The following ATPSCKMT variants were observed in gnomAD, a reference collection of about 807,000 sequenced individuals.
ATPSCKMT encodes the protein ATP synthase subunit C lysine N-methyltransferase.
In ATPSCKMT, 24 loss-of-function variants were observed where a neutral mutation model predicts 24.3. The ratio of observed to expected loss-of-function variants is 0.99; its 90% CI spans 0.71 to 1.39. The LOEUF (loss-of-function observed/expected upper bound fraction) is 1.39. Among genes scored for constraint, ATPSCKMT ranks in the 40% most tolerant of loss-of-function variants. The pLI is 0.00. For synonymous variants in ATPSCKMT, 95 were observed against 110.5 expected (o/e 0.86, Z 0.88); for missense variants, 311 against 298.4 (o/e 1.04, Z -0.31).
At chr5:10,240,766 C>T (rs947038686) in intron 1 of ATPSCKMT, among the ~76,000 whole-genome samples, 3 of 152,082 alleles carry the variant, frequency 2.0e-5, no homozygotes, top group Admixed American at 6.5e-5. Context: ...GAGGCCACGG[C>T]GGGCAGATCA....
At chr5:10,249,114 C>T (rs1196711183) in intron 1 of ATPSCKMT, among the ~76,000 whole-genome samples, 2 of 152,100 alleles carry the variant, frequency 1.3e-5, no homozygotes, top group African/African-American at 2.4e-5. Context: ...ACTAAAAATA[C>T]AAAAATTAGC....
chr5:10,229,138 T>C (rs1182635295), intron 4 of ATPSCKMT, among the ~76,000 whole-genome samples: 1 of 152,224 alleles, frequency 6.6e-6, no homozygotes, highest in Non-Finnish European at 1.5e-5. Context: ...TCCAATATAA[T>C]AATTCCAAAT....
intron 4 of ATPSCKMT, among the ~76,000 whole-genome samples, chr5:10,230,335 T>C (rs940863021): frequency 2.0e-5 from 3 of 152,230 alleles, no homozygotes; most frequent in South Asian, 2.1e-4. Context: ...AATATGTGTT[T>C]TTCCAAAATA....
intron 1 of ATPSCKMT, among the ~76,000 whole-genome samples, chr5:10,245,555 G>A (rs1025699055): frequency 5.3e-5 from 8 of 152,060 alleles, no homozygotes; most frequent in African/African-American, 1.9e-4. Context: ...AGACCAGCCT[G>A]GGCAACATGT....
intron 1 of ATPSCKMT, among the ~76,000 whole-genome samples, chr5:10,242,595 C>G (rs62362569): frequency 0.26 from 39,967 of 152,150 alleles, 6,675 homozygotes; most frequent in East Asian, 0.72. Flanking sequence ...ACTCTGACCT[C>G]CTACCATGAA....
At chr5:10,229,939 C>G (rs1744047031) in intron 4 of ATPSCKMT, among the ~76,000 whole-genome samples, 1 of 152,206 alleles carries the variant, frequency 6.6e-6, no homozygotes, top group Non-Finnish European at 1.5e-5. Context: ...ACAAAATGTT[C>G]CTGGCTTTTG....
At chr5:10,234,531 C>T (rs896662184) in intron 4 of ATPSCKMT, among the ~76,000 whole-genome samples, 3 of 152,094 alleles carry the variant, frequency 2.0e-5, no homozygotes, top group Admixed American at 1.3e-4. Flanking sequence ...TCAGCTATAT[C>T]ACAGCATTTT....
chr5:10,245,215 T>G (rs1021852047), intron 1 of ATPSCKMT, among the ~76,000 whole-genome samples: 1 of 150,240 alleles, frequency 6.7e-6, no homozygotes, highest in Non-Finnish European at 1.5e-5. Context: ...GGTCAGGAGA[T>G]TGAGACTATC....
At chr5:10,249,024 T>C (rs75546317) in intron 1 of ATPSCKMT, among the ~76,000 whole-genome samples, 17,107 of 151,974 alleles carry the variant, frequency 0.11, 1,616 homozygotes, top group African/African-American at 0.26. Context: ...GCCCAACACT[T>C]GGGGAGACCT....
intron 1 of ATPSCKMT, among the ~76,000 whole-genome samples, chr5:10,240,299 C>T (rs772193284): frequency 1.3e-5 from 2 of 151,900 alleles, no homozygotes; most frequent in Non-Finnish European, 2.9e-5. Context: ...TAAAATAACG[C>T]AGACCCCAAT....
intron 3 of ATPSCKMT, 165 bp downstream of exon 3, chr5:10,236,313 A>T: frequency 1.3e-6 from 1 of 799,928 alleles, no homozygotes; most frequent in Non-Finnish European, 1.8e-6. Context: ...TCTAAAGGAG[A>T]CTATTTGTAA....
Position 10,236,259 on chromosome 5 carries a change from C to A in ATPSCKMT, c.444+219G>T, listed in dbSNP as rs186693476. 233 of 403,380 alleles carry A rather than the reference C, an allele frequency of 5.8e-4. 1 individual carries two copies. Among genetic ancestry groups the A allele is most frequent in the African/African-American group, 4.3e-3 (209 of 48,682 alleles). 25.0% of individuals were successfully genotyped at this position (403,380 alleles called of 1,614,324 possible). On this transcript the variant is annotated intron_variant, in intron 3 of 4. Coordinates refer to ENST00000511437, the MANE Select transcript of ATPSCKMT (RefSeq NM_199133.4). ...AACATTTTAATTTAGTAAATAAATT[C>A]TTGGAATTCACAAGACCTATCATAT...
intron 1 of ATPSCKMT, among the ~76,000 whole-genome samples, chr5:10,242,911 T>A (rs1431228179): frequency 2.0e-5 from 3 of 152,194 alleles, no homozygotes; most frequent in Non-Finnish European, 2.9e-5. Flanking sequence ...CTTTTTCTGA[T>A]CAGTAGGTTT....
At chr5:10,240,124 C>G (rs1049160710) in intron 1 of ATPSCKMT, among the ~76,000 whole-genome samples, 52 of 151,522 alleles carry the variant, frequency 3.4e-4, no homozygotes, top group South Asian at 8.3e-4. Flanking sequence ...GTCCCAGCTA[C>G]TCAGGAGGCT....
chr5:10,238,995 A>T (rs1375713440), intron 2 of ATPSCKMT, 72 bp downstream of exon 2: 6 of 1,526,478 alleles, frequency 3.9e-6, no homozygotes, highest in Non-Finnish European at 5.3e-6. Context: ...GTCTTTGTGT[A>T]AGCCTTACTA....
chr5:10,231,923 C>A (rs1427543422), intron 4 of ATPSCKMT, among the ~76,000 whole-genome samples: 1 of 152,216 alleles, frequency 6.6e-6, no homozygotes, highest in Non-Finnish European at 1.5e-5. Flanking sequence ...TTCATAAAAG[C>A]CAAGCATGGT....
intron 2 of ATPSCKMT, among the ~76,000 whole-genome samples, chr5:10,238,286 A>T (rs1461923855): frequency 1.4e-5 from 2 of 140,364 alleles, no homozygotes; most frequent in African/African-American, 5.6e-5. Context: ...TTTATAAGTA[A>T]AAAAAAAAAA....
At chr5:10,249,693 C>A in intron 1 of ATPSCKMT, 165 bp downstream of exon 1, 2 of 1,149,350 alleles carry the variant, frequency 1.7e-6, no homozygotes, top group Non-Finnish European at 2.4e-6. Context: ...GGGCACCGCG[C>A]GGCGACCAGG....
chr5:10,232,723 G>T (rs1271823490), intron 4 of ATPSCKMT, among the ~76,000 whole-genome samples: 1 of 152,222 alleles, frequency 6.6e-6, no homozygotes, highest in African/African-American at 2.4e-5. Flanking sequence ...AGGACGGAGG[G>T]CTGGTGCAGA....
Sources: gnomAD v4.1 joint callset for allele counts (sites outside exome capture counted in the v4.1 genomes callset) on GRCh38, gnomAD v4.1.1 for gene constraint, MANE v1.5 for transcripts, NCBI Gene and HGNC (gene_info 2026-07-23, HGNC 2026-07-21) for gene names.